Variants in DLGAP2 observed in about 807,000 individuals in gnomAD.
DLGAP2 encodes the protein disks large-associated protein 2.
DLGAP2 carries 26 observed loss-of-function variants against 100.3 expected under a neutral mutation model. The observed-to-expected ratio is 0.26, with a 90% CI of 0.19 to 0.36. The LOEUF (loss-of-function observed/expected upper bound fraction) is 0.36. Ranked by LOEUF, DLGAP2 falls within the 10% of genes least tolerant of loss-of-function variation. DLGAP2 has a pLI of 1.00. For missense variants in DLGAP2, 1,858 were observed against 1,453.2 expected, an observed-to-expected ratio of 1.28 and a Z score of -4.53; for synonymous variants, 886 against 630.1, an observed-to-expected ratio of 1.41 and a Z score of -6.08.
At chr8:1,333,782 G>A (rs1403025169) in intron 3 of DLGAP2, among the ~76,000 whole-genome samples, 1 of 152,236 alleles carries the variant, frequency 6.6e-6, no homozygotes, top group African/African-American at 2.4e-5. Context: ...TTTCTTTAGA[G>A]GAGGTAAGAC....
intron 1 of DLGAP2, among the ~76,000 whole-genome samples, chr8:748,266 T>A (rs982286570): frequency 1.4e-5 from 2 of 148,062 alleles, no homozygotes; most frequent in African/African-American, 5.0e-5. Flanking sequence ...GGGGCCGGCC[T>A]CTGTGGTGGG....
intron 10 of DLGAP2, among the ~76,000 whole-genome samples, chr8:1,672,030 C>T (rs1798702306): frequency 6.6e-6 from 1 of 152,146 alleles, no homozygotes; most frequent in Non-Finnish European, 1.5e-5. Context: ...CGGTTTGTCT[C>T]TCCTGCTAAG....
At chr8:1,521,577 C>A (rs371014495) in intron 4 of DLGAP2, among the ~76,000 whole-genome samples, 1 of 17,354 alleles carries the variant, frequency 5.8e-5, no homozygotes, top group Non-Finnish European at 1.8e-4. Context: ...TATGGGGCGT[C>A]TCTGGTTTGC....
intron 3 of DLGAP2, among the ~76,000 whole-genome samples, chr8:1,474,854 C>G (rs899694567): frequency 6.6e-6 from 1 of 152,154 alleles, no homozygotes; most frequent in Non-Finnish European, 1.5e-5. Context: ...GTTGAACTAC[C>G]GTTTGACCCC....
intron 2 of DLGAP2, among the ~76,000 whole-genome samples, chr8:1,211,319 G>C (rs1335530642): frequency 6.6e-6 from 1 of 152,242 alleles, no homozygotes; most frequent in East Asian, 1.9e-4. Context: ...GAGCCTGTGA[G>C]GGCTTTTGCA....
chr8:1,288,435 G>A (rs1320439525), intron 3 of DLGAP2, among the ~76,000 whole-genome samples: 75,764 of 112,036 alleles, frequency 0.68, 23,696 homozygotes, highest in African/African-American at 0.76. Flanking sequence ...GGTTCAGTGT[G>A]TGTGTGTGTG....
chr8:1,555,327 C>T (rs574014125), intron 5 of DLGAP2, among the ~76,000 whole-genome samples: 6 of 152,318 alleles, frequency 3.9e-5, no homozygotes, highest in Non-Finnish European at 8.8e-5. Context: ...TGAGACAAAG[C>T]GGTGACCTCC....
chr8:1,491,124 G>A (rs1252002574), intron 3 of DLGAP2, among the ~76,000 whole-genome samples: 1 of 102,074 alleles, frequency 9.8e-6, no homozygotes, highest in African/African-American at 3.2e-5. Flanking sequence ...CATGAACAGA[G>A]CAAAAGAAAA....
intron 2 of DLGAP2, among the ~76,000 whole-genome samples, chr8:1,123,939 C>G (rs1292971226): frequency 6.6e-6 from 1 of 152,166 alleles, no homozygotes; most frequent in Non-Finnish European, 1.5e-5. Context: ...TGACAGCATG[C>G]ATTCAGGTTG....
At chr8:1,499,857 T>C (rs1445317911) in intron 3 of DLGAP2, among the ~76,000 whole-genome samples, 1 of 152,178 alleles carries the variant, frequency 6.6e-6, no homozygotes, top group Admixed American at 6.5e-5. Flanking sequence ...ACGAACTTAT[T>C]GAAAATGGCA....
At chr8:881,763 C>A (rs927586376) in intron 1 of DLGAP2, among the ~76,000 whole-genome samples, 1 of 150,964 alleles carries the variant, frequency 6.6e-6, no homozygotes, top group Middle Eastern at 3.2e-3. Context: ...GTGATCCACC[C>A]GCCTCAGCCT....
rs780412370 is a variant in DLGAP2, at chr8:1,548,798, C to G, written c.345C>G (p.Asp115Glu). Residue 115 changes from aspartate to glutamate, a missense_variant, in exon 5 of 15, where the codon GAC becomes GAG. Coordinates refer to ENST00000637795, the MANE Select transcript of DLGAP2 (RefSeq NM_001346810.2). ...GCGAGCACCTGCACCACGGGCCCGA[C>G]GCGCGGCCGCCCTACCTGCTGAGCC... is the stretch of plus-strand genomic sequence containing the variant. ...EDCEHLHHGPDARPPYLLSPA... is the reference protein window; with the variant it reads ...EDCEHLHHGPEARPPYLLSPA... 1 of 1,580,890 alleles carries G rather than the reference C, an allele frequency of 6.3e-7. No individual in the cohort carries two copies. Among genetic ancestry groups the G allele is most frequent in the African/African-American group, 1.3e-5 (1 of 74,298 alleles).
At chr8:1,004,361 G>A (rs943048262) in intron 2 of DLGAP2, among the ~76,000 whole-genome samples, 25 of 152,216 alleles carry the variant, frequency 1.6e-4, no homozygotes, top group African/African-American at 5.8e-4. Context: ...AATTTGGTAA[G>A]CTACAGTGAC....
At position 1,190,511 on chromosome 8, in the gene DLGAP2, G is replaced by C. The variant is rs1371259394; in HGVS notation, c.74-68340G>C. On this transcript the variant is annotated intron_variant, in intron 2 of 14. Transcript: ENST00000637795. ...TTTCCCGGCAGCATCTCATGCAGGA[G>C]GCACCCGTCCCGTTCGACGCCTCTG... Among the ~76,000 whole-genome samples, 3 of 152,268 alleles carry C rather than the reference G, an allele frequency of 2.0e-5. No individual in the cohort carries two copies. In the East Asian group the frequency reaches 5.8e-4, roughly 29 times the overall value.
chr8:1,448,053 A>G (rs1352203373), intron 3 of DLGAP2, among the ~76,000 whole-genome samples: 2 of 152,068 alleles, frequency 1.3e-5, no homozygotes, highest in South Asian at 2.1e-4. Context: ...GGATTCATTA[A>G]TTTTTTGAAG....
At chr8:1,286,066 T>C (rs1485202936) in intron 3 of DLGAP2, among the ~76,000 whole-genome samples, 1 of 152,188 alleles carries the variant, frequency 6.6e-6, no homozygotes, top group Non-Finnish European at 1.5e-5. Context: ...TCACCTTGAG[T>C]TGTAGTAATC....
At chr8:1,337,907 GC>G (rs557345137) in intron 3 of DLGAP2, among the ~76,000 whole-genome samples, 94 of 152,198 alleles carry the variant, frequency 6.2e-4, no homozygotes, top group Non-Finnish European at 1.2e-3. Context: ...TCCAAAGAAG[GC>G]CTGCAAATGT....
chr8:1,206,918 C>G (rs1384522054), intron 2 of DLGAP2, among the ~76,000 whole-genome samples: 3 of 152,162 alleles, frequency 2.0e-5, no homozygotes, highest in African/African-American at 4.8e-5. Context: ...TCTCCATCCA[C>G]AAGTGTTCCT....
At chr8:1,581,633 C>T (rs1318481824) in intron 6 of DLGAP2, among the ~76,000 whole-genome samples, 2 of 151,474 alleles carry the variant, frequency 1.3e-5, no homozygotes, top group East Asian at 1.9e-4. Context: ...ACAGACAAAA[C>T]ACCACACACA....
Sources: allele counts gnomAD v4.1 joint callset (sites outside exome capture counted in the v4.1 genomes callset), GRCh38; gene constraint gnomAD v4.1.1; transcripts MANE v1.5; gene names NCBI Gene and HGNC (gene_info 2026-07-23, HGNC 2026-07-21).